CGNL1: variants seen among roughly 807,000 people sequenced by gnomAD.
CGNL1 encodes the protein cingulin like 1, also known as cingulin-like protein 1.
A neutral mutation model predicts 141.2 loss-of-function variants in CGNL1; 132 were observed. The observed-to-expected ratio is 0.93, with a 90% CI of 0.81 to 1.08. The LOEUF is 1.08. Among genes scored for constraint, CGNL1 ranks in the 50% least tolerant of loss-of-function variants. CGNL1 has a pLI of 0.00. For missense variants in CGNL1, 1,870 were observed against 1,588.6 expected, an observed-to-expected ratio of 1.18 and a Z score of -3.01; for synonymous variants, 690 against 622.1, an observed-to-expected ratio of 1.11 and a Z score of -1.63.
intron 1 of CGNL1, among the ~76,000 whole-genome samples, chr15:57,419,740 C>A (rs1283421811): frequency 6.6e-6 from 1 of 152,138 alleles, no homozygotes; most frequent in African/African-American, 2.4e-5. Flanking sequence ...AAAGCATGTG[C>A]TTGGCTCAAT....
At chr15:57,447,676 C>T (rs539356971) in intron 4 of CGNL1, among the ~76,000 whole-genome samples, 8 of 151,922 alleles carry the variant, frequency 5.3e-5, no homozygotes, top group Admixed American at 5.2e-4. Context: ...AAATTCTTGG[C>T]TATTATTTAT....
At chr15:57,537,839 T>C (rs2032345541) in intron 14 of CGNL1, among the ~76,000 whole-genome samples, 1 of 152,258 alleles carries the variant, frequency 6.6e-6, no homozygotes, top group Non-Finnish European at 1.5e-5. Context: ...GCTCCTGTTC[T>C]GTTTTTAATT....
chr15:57,478,541 C>T (rs1638729303), intron 8 of CGNL1, among the ~76,000 whole-genome samples: 1 of 152,148 alleles, frequency 6.6e-6, no homozygotes. Context: ...TGCTCCAGAG[C>T]AGTGATTGTC....
chr15:57,381,886 T>C (rs1016342481), intron 1 of CGNL1, among the ~76,000 whole-genome samples: 27 of 152,286 alleles, frequency 1.8e-4, no homozygotes, highest in Middle Eastern at 3.4e-3. Context: ...AAGGGAAATT[T>C]ATGGACTGCT....
At chr15:57,403,278 A>G (rs553573507) in intron 1 of CGNL1, among the ~76,000 whole-genome samples, 1 of 152,312 alleles carries the variant, frequency 6.6e-6, no homozygotes, top group Admixed American at 6.5e-5. Context: ...CCAGGACAAC[A>G]TGCTGGTTTC....
chr15:57,416,256 A>G (rs10083613), intron 1 of CGNL1, among the ~76,000 whole-genome samples: 1 of 148,578 alleles, frequency 6.7e-6, no homozygotes, highest in South Asian at 2.1e-4. Flanking sequence ...GCCTCTTTAC[A>G]TGTAGGGTTG....
At chr15:57,389,026 GT>G (rs142452480) in intron 1 of CGNL1, among the ~76,000 whole-genome samples, 2,843 of 149,200 alleles carry the variant, frequency 0.019, 70 homozygotes, top group African/African-American at 0.046. Flanking sequence ...ATAGAGAGGT[GT>G]TTTTTTTTTC....
In CGNL1 at chr15:57,510,773, C is replaced by T. The variant is rs537629616; in HGVS notation, c.2404-6007C>T. Among the ~76,000 whole-genome samples the T allele has an allele frequency of 6.6e-5, 10 of 152,294 alleles. No individual in the cohort carries two copies. The South Asian group carries it at 1.9e-3, about 28-fold the overall frequency. On this transcript the variant is annotated intron_variant, in intron 8 of 18. Coordinates refer to ENST00000281282, the MANE Select transcript of CGNL1 (RefSeq NM_032866.5). Reference sequence around the variant, plus strand: ...TTCTGGAGTGGAAAAGTTGGGGAAGCACTCGTGTAGTTGCAAGTCCTGGGC... The same window carrying T: ...TTCTGGAGTGGAAAAGTTGGGGAAGTACTCGTGTAGTTGCAAGTCCTGGGC...
intron 13 of CGNL1, among the ~76,000 whole-genome samples, chr15:57,530,641 G>C (rs1302505514): frequency 6.6e-6 from 1 of 152,086 alleles, no homozygotes; most frequent in African/African-American, 2.4e-5. Context: ...AGGAGGCTTC[G>C]GTGCAGGGCC....
At chr15:57,507,559 G>A (rs762456158) in intron 8 of CGNL1, among the ~76,000 whole-genome samples, 9 of 152,134 alleles carry the variant, frequency 5.9e-5, no homozygotes, top group Non-Finnish European at 1.0e-4. Flanking sequence ...TATCTTTTAG[G>A]TGGTTCTATA....
At chr15:57,493,333 C>T (rs371214999) in intron 8 of CGNL1, among the ~76,000 whole-genome samples, 2 of 152,130 alleles carry the variant, frequency 1.3e-5, no homozygotes, top group Admixed American at 1.3e-4. Flanking sequence ...AGATTTGGGC[C>T]ACAGACAGAT....
intron 8 of CGNL1, among the ~76,000 whole-genome samples, chr15:57,483,015 G>T (rs1018116301): frequency 2.6e-5 from 4 of 152,124 alleles, no homozygotes; most frequent in Non-Finnish European, 5.9e-5. Context: ...TTGAACTCCT[G>T]ACCTCAGGTG....
chr15:57,477,999 C>T (rs2063678226), intron 8 of CGNL1, among the ~76,000 whole-genome samples: 2 of 152,190 alleles, frequency 1.3e-5, no homozygotes, highest in Admixed American at 6.5e-5. Flanking sequence ...CTTGTCAAAA[C>T]ACTAGTAGAA....
At chr15:57,462,683 T>C (rs895372727) in intron 8 of CGNL1, among the ~76,000 whole-genome samples, 2 of 152,212 alleles carry the variant, frequency 1.3e-5, no homozygotes, top group African/African-American at 4.8e-5. Flanking sequence ...AGCTCAGAGT[T>C]AGTAGGCCCT....
chr15:57,396,813 G>A (rs2062607995), intron 1 of CGNL1: 2 of 152,198 alleles, frequency 1.3e-5, no homozygotes, highest in South Asian at 4.2e-4. Flanking sequence ...TGACTCCATA[G>A]CCTATGGACT....
At chr15:57,471,418 C>T (rs1246496160) in intron 8 of CGNL1, among the ~76,000 whole-genome samples, 3 of 152,214 alleles carry the variant, frequency 2.0e-5, no homozygotes, top group Non-Finnish European at 4.4e-5. Flanking sequence ...GCTTCATGAA[C>T]ATGTTTAAGC....
At chr15:57,494,854 T>A (rs2152382188) in intron 8 of CGNL1, among the ~76,000 whole-genome samples, 1 of 152,324 alleles carries the variant, frequency 6.6e-6, no homozygotes, top group South Asian at 2.1e-4. Flanking sequence ...GTGTTTGCCA[T>A]CCCTCTAAAT....
chr15:57,508,749 C>T (rs1364125467), intron 8 of CGNL1, among the ~76,000 whole-genome samples: 1 of 152,220 alleles, frequency 6.6e-6, no homozygotes, highest in African/African-American at 2.4e-5. Flanking sequence ...TCAGCCTAGA[C>T]CTCACTACTC....
At chr15:57,509,281 C>G (rs1053192032) in intron 8 of CGNL1, among the ~76,000 whole-genome samples, 6 of 152,202 alleles carry the variant, frequency 3.9e-5, no homozygotes, top group Non-Finnish European at 8.8e-5. Flanking sequence ...CACCAACATT[C>G]CATTCTCTGG....
Sources: allele counts gnomAD v4.1 joint callset (sites outside exome capture counted in the v4.1 genomes callset), GRCh38; gene constraint gnomAD v4.1.1; transcripts MANE v1.5; gene names NCBI Gene and HGNC (gene_info 2026-07-23, HGNC 2026-07-21).